The following TCF7L2 variants were observed in gnomAD, a reference collection of about 807,000 sequenced individuals.
The protein encoded by TCF7L2 is transcription factor 7-like 2.
In TCF7L2, 23 loss-of-function variants were observed where a neutral mutation model predicts 77.9. The ratio of observed to expected loss-of-function variants is 0.30; its 90% confidence interval spans 0.21 to 0.42. TCF7L2 has a LOEUF of 0.42. Among genes scored for constraint, TCF7L2 ranks in the 10% least tolerant of loss-of-function variants. TCF7L2 has a pLI of 1.00. For synonymous variants in TCF7L2, 413 were observed against 340.2 expected (o/e 1.21, Z -2.36); for missense variants, 654 against 793.1 (o/e 0.82, Z 2.11).
chr10:113,061,256 C>G (rs1193200241), intron 5 of TCF7L2, among the ~76,000 whole-genome samples: 2 of 151,942 alleles, frequency 1.3e-5, no homozygotes, highest in Non-Finnish European at 2.9e-5. Context: ...GAAGTGGAGA[C>G]CTGTGTTTTT....
At chr10:113,083,437 G>A (rs1323430749) in intron 5 of TCF7L2, among the ~76,000 whole-genome samples, 4 of 152,142 alleles carry the variant, frequency 2.6e-5, no homozygotes, top group Admixed American at 1.3e-4. Flanking sequence ...GGGAGGAACT[G>A]GGCTTGTCTT....
At chr10:113,165,496 A>G (rs1056957785) in intron 13 of TCF7L2, 59 bp from the exon 15 acceptor site, 4 of 1,570,352 alleles carry the variant, frequency 2.5e-6, no homozygotes, top group Non-Finnish European at 3.5e-6. Context: ...GCATTAGGTA[A>G]CTCTCTCCCT....
At chr10:113,121,861 G>A (rs1564923236) in intron 5 of TCF7L2, among the ~76,000 whole-genome samples, 1 of 152,136 alleles carries the variant, frequency 6.6e-6, no homozygotes, top group Non-Finnish European at 1.5e-5. Context: ...TGTCATGGGG[G>A]TGCTGAGGCA....
intron 5 of TCF7L2, among the ~76,000 whole-genome samples, chr10:113,107,443 G>T (rs1455051479): frequency 6.6e-6 from 1 of 152,042 alleles, no homozygotes; most frequent in East Asian, 1.9e-4. Flanking sequence ...ACACATTTGT[G>T]GTCAAGACAT....
intron 5 of TCF7L2, among the ~76,000 whole-genome samples, chr10:113,076,376 G>T (rs559416001): frequency 6.6e-6 from 1 of 152,146 alleles, no homozygotes; most frequent in Non-Finnish European, 1.5e-5. Flanking sequence ...GGCCTCAAGT[G>T]ATCCTTTTGC....
At chr10:113,129,587 G>T (rs979430026) in intron 5 of TCF7L2, 1 of 1,058,446 alleles carries the variant, frequency 9.4e-7, no homozygotes. Context: ...TTAGGGATGT[G>T]TGTACAGGGG....
chr10:113,146,839 C>T (rs1240940017), intron 8 of TCF7L2, among the ~76,000 whole-genome samples: 2 of 152,018 alleles, frequency 1.3e-5, no homozygotes, highest in African/African-American at 2.4e-5. Context: ...TTCAAATATT[C>T]AATAGCCACA....
chr10:113,098,772 G>C lies in TCF7L2; in HGVS notation c.553-42412G>C, dbSNP rs140390104. 3.3e-5 allele frequency among the ~76,000 whole-genome samples: 5 copies of C among 152,254 alleles called. No individual in the cohort carries two copies. The East Asian group carries it at 9.6e-4, about 29-fold the overall frequency. On this transcript the variant is annotated intron_variant, in intron 5 of 13. Coordinates refer to ENST00000627217, the MANE Select transcript of TCF7L2 (RefSeq NM_001146274.2). Reference sequence around the variant, plus strand: ...TTATGATCATTGACTTTTTCTTTTGGTCTCCTGTTCTACGAATTGTAATAT... The same window carrying C: ...TTATGATCATTGACTTTTTCTTTTGCTCTCCTGTTCTACGAATTGTAATAT...
At chr10:113,090,437 C>G (rs760468492) in intron 5 of TCF7L2, among the ~76,000 whole-genome samples, 2 of 152,198 alleles carry the variant, frequency 1.3e-5, no homozygotes, top group African/African-American at 4.8e-5. Flanking sequence ...AGGCAGAGAC[C>G]TGGAGTAATA....
chr10:113,147,521 C>T (rs964843563), intron 8 of TCF7L2, among the ~76,000 whole-genome samples: 1 of 152,110 alleles, frequency 6.6e-6, no homozygotes. Flanking sequence ...GGAAAACGCT[C>T]GTGTGTTCTC....
At chr10:113,064,523 G>A (rs1290264872) in intron 5 of TCF7L2, among the ~76,000 whole-genome samples, 1 of 152,216 alleles carries the variant, frequency 6.6e-6, no homozygotes, top group Non-Finnish European at 1.5e-5. Context: ...TGCCATAAAC[G>A]TGCACATGGA....
At chr10:113,133,923 G>T (rs10885417) in intron 5 of TCF7L2, among the ~76,000 whole-genome samples, 42,597 of 152,108 alleles carry the variant, frequency 0.28, 6,365 homozygotes, top group Admixed American at 0.46. Flanking sequence ...GCAGCAGCCC[G>T]GCCAGAGGAT....
intron 13 of TCF7L2, among the ~76,000 whole-genome samples, chr10:113,163,319 G>T (rs1049688153): frequency 6.6e-6 from 1 of 152,156 alleles, no homozygotes; most frequent in Non-Finnish European, 1.5e-5. Context: ...ACAAGATTCT[G>T]TTTTGAGCCC....
At chr10:113,073,503 C>CAAAAAA (rs35730806) in intron 5 of TCF7L2, among the ~76,000 whole-genome samples, 4 of 43,962 alleles carry the variant, frequency 9.1e-5, no homozygotes, top group Non-Finnish European at 1.3e-4. Flanking sequence ...CGGTCTCTAC[C>CAAAAAA]AAAAAAAAAA....
chr10:112,966,725 C>T (rs969148079), intron 4 of TCF7L2, among the ~76,000 whole-genome samples: 15 of 152,160 alleles, frequency 9.9e-5, no homozygotes, highest in African/African-American at 3.4e-4. Flanking sequence ...CTTGTTAGGC[C>T]GAGCAGTTCG....
intron 5 of TCF7L2, among the ~76,000 whole-genome samples, chr10:113,068,075 C>CA (rs1410087673): frequency 3.3e-5 from 5 of 152,124 alleles, no homozygotes; most frequent in Non-Finnish European, 5.9e-5. Flanking sequence ...ATGTCCTTTT[C>CA]AAAACAGTGT....
intron 4 of TCF7L2, among the ~76,000 whole-genome samples, 190 bp downstream of exon 4, chr10:112,964,814 G>GTGGTGGTGATGGTGGTGGTGGTGGTGGT (rs1400096451): frequency 8.6e-6 from 1 of 116,110 alleles, no homozygotes; most frequent in Non-Finnish European, 1.7e-5. Context: ...GGTGGTGGTG[G>GTGGTGGTGATGGTGGTGGTGGTGGTGGT]GGGGGGGTTG....
intron 4 of TCF7L2, among the ~76,000 whole-genome samples, chr10:112,997,490 A>G (rs144078464): frequency 1.6e-4 from 24 of 152,340 alleles, no homozygotes; most frequent in Admixed American, 1.4e-3. Flanking sequence ...GTGCCATCCA[A>G]TGATAGGCAC....
chr10:113,098,040 ACT>A (rs1655701562), intron 5 of TCF7L2, among the ~76,000 whole-genome samples: 1 of 117,892 alleles, frequency 8.5e-6, no homozygotes, highest in South Asian at 3.0e-4. Context: ...ACAGAGTGAG[ACT>A]CTGTCTCAAA....
Sources: allele counts gnomAD v4.1 joint callset (sites outside exome capture counted in the v4.1 genomes callset), GRCh38; gene constraint gnomAD v4.1.1; transcripts MANE v1.5; gene names NCBI Gene and HGNC (gene_info 2026-07-23, HGNC 2026-07-21).